The following CDH12 variants were observed in gnomAD, a reference collection of about 807,000 sequenced individuals.
CDH12 encodes the protein cadherin-12.
CDH12 carries 41 observed loss-of-function variants against 74.1 expected under a neutral mutation model. The ratio of observed to expected loss-of-function variants is 0.55; its 90% confidence interval spans 0.43 to 0.72. The LOEUF is 0.72. Ranked by LOEUF, CDH12 falls within the 30% of genes least tolerant of loss-of-function variation. The pLI, the probability that CDH12 is intolerant of heterozygous loss-of-function variation, is 0.00. For missense variants in CDH12, 945 were observed against 977.2 expected, an observed-to-expected ratio of 0.97 and a Z score of 0.44; for synonymous variants, 399 against 355.0, an observed-to-expected ratio of 1.12 and a Z score of -1.39.
chr5:22,171,013 T>C (rs1748990971), intron 4 of CDH12, among the ~76,000 whole-genome samples: 1 of 151,890 alleles, frequency 6.6e-6, no homozygotes, highest in Admixed American at 6.6e-5. Flanking sequence ...GGTCCACAAA[T>C]ACTTGGGTCT....
intron 5 of CDH12, among the ~76,000 whole-genome samples, chr5:21,982,676 G>A (rs1160175140): frequency 6.6e-6 from 1 of 150,444 alleles, no homozygotes; most frequent in Non-Finnish European, 1.5e-5. Flanking sequence ...CATCTAATTT[G>A]TTCTTTTTCT....
chr5:22,293,458 C>T (rs183586478), intron 3 of CDH12, among the ~76,000 whole-genome samples: 168 of 152,158 alleles, frequency 1.1e-3, no homozygotes, highest in Middle Eastern at 6.8e-3. Context: ...TATGCAATCC[C>T]ACTATTAGGT....
chr5:21,915,689 A>G (rs1397432066), intron 6 of CDH12, among the ~76,000 whole-genome samples: 1 of 152,096 alleles, frequency 6.6e-6, no homozygotes, highest in Non-Finnish European at 1.5e-5. Flanking sequence ...CACACCCCTT[A>G]CTTGGGATGG....
chr5:22,100,270 T>C (rs1324597113), intron 4 of CDH12, among the ~76,000 whole-genome samples: 1 of 152,130 alleles, frequency 6.6e-6, no homozygotes, highest in Non-Finnish European at 1.5e-5. Flanking sequence ...AATTAAACAC[T>C]AGAGAAGTTT....
intron 2 of CDH12, among the ~76,000 whole-genome samples, chr5:22,432,265 A>C (rs549150442): frequency 7.9e-5 from 12 of 152,256 alleles, no homozygotes; most frequent in African/African-American, 2.6e-4. Flanking sequence ...CCTAGGAGCA[A>C]TAGGCTATAC....
chr5:22,030,337 G>A (rs1738729887), intron 5 of CDH12, among the ~76,000 whole-genome samples: 1 of 152,122 alleles, frequency 6.6e-6, no homozygotes, highest in Non-Finnish European at 1.5e-5. Flanking sequence ...ACTCCTTGAT[G>A]CATGGACTGC....
At chr5:22,015,856 AC>A (rs900197699) in intron 5 of CDH12, among the ~76,000 whole-genome samples, 3 of 152,222 alleles carry the variant, frequency 2.0e-5, no homozygotes, top group African/African-American at 7.2e-5. Flanking sequence ...AGGAAAGCAA[AC>A]AAACTATTAA....
At chr5:22,740,290 C>T (rs1744952091) in intron 1 of CDH12, among the ~76,000 whole-genome samples, 1 of 151,882 alleles carries the variant, frequency 6.6e-6, no homozygotes, top group South Asian at 2.1e-4. Flanking sequence ...AGGGGATTTT[C>T]TTTGCTTGAA....
intron 9 of CDH12, among the ~76,000 whole-genome samples, chr5:21,809,612 T>G (rs1747636145): frequency 6.6e-6 from 1 of 152,170 alleles, no homozygotes; most frequent in Admixed American, 6.6e-5. Flanking sequence ...TTTTCTAAAT[T>G]ATTTGCAAAA....
intron 1 of CDH12, among the ~76,000 whole-genome samples, chr5:22,690,959 C>T (rs1474841169): frequency 6.6e-6 from 1 of 152,090 alleles, no homozygotes; most frequent in Non-Finnish European, 1.5e-5. Flanking sequence ...ATAACCAAAC[C>T]CAATACCACA....
At chr5:22,636,170 C>A (rs1486212858) in intron 1 of CDH12, among the ~76,000 whole-genome samples, 1 of 151,842 alleles carries the variant, frequency 6.6e-6, no homozygotes, top group African/African-American at 2.4e-5. Flanking sequence ...GGCTATAATT[C>A]AAAAAGAAAA....
At chr5:22,265,646 T>C (rs974166589) in intron 3 of CDH12, among the ~76,000 whole-genome samples, 1 of 152,134 alleles carries the variant, frequency 6.6e-6, no homozygotes, top group Non-Finnish European at 1.5e-5. Context: ...CAGTTTCTGT[T>C]TCCAGGAACA....
At position 22,132,672 on chromosome 5, in the gene CDH12, A is replaced by T. The variant is rs530754293; in HGVS notation, c.-186-53810T>A. Among the ~76,000 whole-genome samples, 426 of 152,250 alleles carry T rather than the reference A, an allele frequency of 2.8e-3. 4 individuals carry two copies. The highest frequency in any genetic ancestry group is 0.01 in the African/African-American group (418 of 41,556). On this transcript the variant is annotated intron_variant, in intron 4 of 14. Transcript: ENST00000382254. ...ATCCCTAGGTGGGGTTCATACCTGTAGTCAAATACAAGTAAAACCAAAAGG... is the reference window on the plus strand; with the variant it reads ...ATCCCTAGGTGGGGTTCATACCTGTTGTCAAATACAAGTAAAACCAAAAGG...
intron 3 of CDH12, among the ~76,000 whole-genome samples, chr5:22,283,245 T>C (rs62350717): frequency 0.41 from 46,332 of 113,428 alleles, 9,690 homozygotes; most frequent in Admixed American, 0.5. Flanking sequence ...TATATATATA[T>C]ATATATACAC....
chr5:22,326,297 C>T (rs13175028), intron 3 of CDH12, among the ~76,000 whole-genome samples: 15 of 151,448 alleles, frequency 9.9e-5, no homozygotes, highest in African/African-American at 3.6e-4. Context: ...TGCAGTGGCG[C>T]GATCTCGGCT....
At chr5:21,807,165 T>A (rs11955980) in intron 9 of CDH12, among the ~76,000 whole-genome samples, 102,576 of 151,996 alleles carry the variant, frequency 0.67, 36,140 homozygotes, top group Non-Finnish European at 0.78. Context: ...GTGGCATATG[T>A]CTCAACCAGT....
At chr5:22,806,351 C>CTTT (rs35491823) in intron 1 of CDH12, among the ~76,000 whole-genome samples, 6 of 126,358 alleles carry the variant, frequency 4.7e-5, no homozygotes, top group Admixed American at 8.5e-5. Flanking sequence ...GATTGCCATT[C>CTTT]TTTTTTTTTT....
intron 6 of CDH12, among the ~76,000 whole-genome samples, chr5:21,894,746 G>C (rs1753046385): frequency 6.6e-6 from 1 of 152,100 alleles, no homozygotes; most frequent in Admixed American, 6.5e-5. Context: ...AACCAAGGCA[G>C]AGTTTATTTA....
chr5:22,166,124 G>T (rs1348192348), intron 4 of CDH12, among the ~76,000 whole-genome samples: 5 of 152,042 alleles, frequency 3.3e-5, no homozygotes, highest in Non-Finnish European at 5.9e-5. Context: ...TTGGGGTCTG[G>T]ATCAGGGCCC....
Sources: allele counts gnomAD v4.1 joint callset (sites outside exome capture counted in the v4.1 genomes callset), GRCh38; gene constraint gnomAD v4.1.1; transcripts MANE v1.5; gene names NCBI Gene and HGNC (gene_info 2026-07-23, HGNC 2026-07-21).